The following ARK2C variants were observed in gnomAD, a reference collection of about 807,000 sequenced individuals.
ARK2C encodes arkadia (RNF111) C-terminal like ring finger ubiquitin ligase 2C, also known as E3 ubiquitin-protein ligase ARK2C.
the ARK2C span, among the ~76,000 whole-genome samples, chr18:46,375,847 G>A: frequency 1.3e-5 from 2 of 152,150 alleles, no homozygotes; most frequent in Non-Finnish European, 2.9e-5. Flanking sequence ...AACAACTGGA[G>A]GTTGATCAGG....
the ARK2C span, among the ~76,000 whole-genome samples, chr18:46,347,506 C>T: frequency 6.6e-6 from 1 of 152,138 alleles, no homozygotes; most frequent in African/African-American, 2.4e-5. Flanking sequence ...GCTTCGTGTC[C>T]TCCCTCTGAA....
chr18:46,374,340 A>G, the ARK2C span, among the ~76,000 whole-genome samples: 1 of 152,146 alleles, frequency 6.6e-6, no homozygotes, highest in Non-Finnish European at 1.5e-5. Flanking sequence ...TCGCTGTGCT[A>G]TTATCTTCAC....
chr18:46,377,856 A>G, the ARK2C span, among the ~76,000 whole-genome samples: 1 of 152,202 alleles, frequency 6.6e-6, no homozygotes, highest in Non-Finnish European at 1.5e-5. Context: ...TGTGATGCTC[A>G]GGTAACCATG....
the ARK2C span, among the ~76,000 whole-genome samples, chr18:46,374,859 C>T: frequency 2.0e-4 from 30 of 152,264 alleles, no homozygotes; most frequent in African/African-American, 6.7e-4. Flanking sequence ...AGAGAGGGGC[C>T]GATTTGATTG....
the ARK2C span, among the ~76,000 whole-genome samples, chr18:46,383,185 C>T: frequency 5.9e-5 from 9 of 152,218 alleles, no homozygotes; most frequent in African/African-American, 1.2e-4. Flanking sequence ...AGGGAGATGC[C>T]GTCAGGCCCC....
the ARK2C span, chr18:46,450,833 G>A: frequency 1.3e-6 from 2 of 1,509,612 alleles, no homozygotes; most frequent in Non-Finnish European, 1.8e-6. Flanking sequence ...TGCATAGTCA[G>A]GGAATGGGGC....
At chr18:46,334,175 G>T in the ARK2C span, 10 of 701,134 alleles carry the variant, frequency 1.4e-5, no homozygotes, top group Non-Finnish European at 1.6e-5. The surrounding 1 kb of genome is among the most constrained non-coding windows in gnomAD (Gnocchi z 4.4). Context: ...CCGCCCCGGC[G>T]GCTCCCGCAG....
At chr18:46,379,414 AG>A in the ARK2C span, among the ~76,000 whole-genome samples, 1 of 152,184 alleles carries the variant, frequency 6.6e-6, no homozygotes, top group East Asian at 1.9e-4. Flanking sequence ...CAGATTCTAA[AG>A]GCCTCTACTT....
chr18:46,454,147 G>T, the ARK2C span, among the ~76,000 whole-genome samples: 1 of 148,638 alleles, frequency 6.7e-6, no homozygotes, highest in Non-Finnish European at 1.5e-5. Flanking sequence ...AAGTAAAAGG[G>T]AAGGTTAATG....
chr18:46,450,932 A>G, the ARK2C span: 13 of 668,244 alleles, frequency 1.9e-5, no homozygotes, highest in Non-Finnish European at 2.6e-5. Flanking sequence ...TAGATGCTCT[A>G]AAGCTGTAAT....
chr18:46,366,152 C>T, the ARK2C span, among the ~76,000 whole-genome samples: 4 of 151,860 alleles, frequency 2.6e-5, no homozygotes, highest in Middle Eastern at 3.4e-3. Flanking sequence ...ATTAGCCGGG[C>T]GTGGTGGCAC....
At chr18:46,416,282 C>T in the ARK2C span, among the ~76,000 whole-genome samples, 1 of 152,142 alleles carries the variant, frequency 6.6e-6, no homozygotes, top group Non-Finnish European at 1.5e-5. Context: ...GCATTTAAAG[C>T]TCTTCTGGCT....
the ARK2C span, among the ~76,000 whole-genome samples, chr18:46,417,100 C>T: frequency 1.3e-5 from 2 of 152,212 alleles, no homozygotes; most frequent in East Asian, 3.8e-4. Flanking sequence ...GGTTTTACAT[C>T]CAATCCATGA....
chr18:46,371,873 T>C, the ARK2C span, among the ~76,000 whole-genome samples: 1 of 152,246 alleles, frequency 6.6e-6, no homozygotes, highest in Non-Finnish European at 1.5e-5. Context: ...GCTGTTCAGA[T>C]AGACTTAGAC....
the ARK2C span, among the ~76,000 whole-genome samples, chr18:46,435,928 G>A: frequency 6.6e-6 from 1 of 152,214 alleles, no homozygotes; most frequent in African/African-American, 2.4e-5. Flanking sequence ...CTGAGGAGGG[G>A]AGCTGGGGAG....
chr18:46,334,164 C>A, the ARK2C span: 1 of 559,768 alleles, frequency 1.8e-6, no homozygotes, highest in Non-Finnish European at 2.3e-6. The surrounding 1 kb of genome is among the most constrained non-coding windows in gnomAD (Gnocchi z 4.4). Context: ...CGCTCCGCCT[C>A]CCGCCCCGGC....
At chr18:46,409,202 T>C in the ARK2C span, among the ~76,000 whole-genome samples, 4 of 152,144 alleles carry the variant, frequency 2.6e-5, no homozygotes, top group East Asian at 1.9e-4. Context: ...AAAGAAAGGA[T>C]AGTCTGCAAG....
the ARK2C span, chr18:46,459,402 G>A: frequency 5.9e-5 from 9 of 152,320 alleles, no homozygotes; most frequent in East Asian, 1.5e-3. Flanking sequence ...AGAGCTGTGC[G>A]CCCACCCAGC....
At chr18:46,438,141 C>G in the ARK2C span, among the ~76,000 whole-genome samples, 1 of 152,244 alleles carries the variant, frequency 6.6e-6, no homozygotes, top group South Asian at 2.1e-4. Context: ...CACATTGGCA[C>G]AAGAAATCTC....
Sources: allele counts gnomAD v4.1 joint callset (sites outside exome capture counted in the v4.1 genomes callset), GRCh38; gene constraint gnomAD v4.1.1; non-coding constraint Gnocchi (gnomAD v3.1); transcripts MANE v1.5; gene names NCBI Gene and HGNC (gene_info 2026-07-23, HGNC 2026-07-21).